TUT4: variants seen among roughly 807,000 people sequenced by gnomAD.
TUT4 encodes the protein terminal uridylyltransferase 4.
TUT4 carries 36 observed loss-of-function variants against 192.2 expected under a neutral mutation model. That is an observed-to-expected ratio of 0.19 (90% CI 0.14 to 0.25). The LOEUF (loss-of-function observed/expected upper bound fraction) is 0.25. Ranked by LOEUF, TUT4 falls within the 10% of genes least tolerant of loss-of-function variation. The pLI is 1.00. For missense variants in TUT4, 1,493 were observed against 1,957.2 expected (o/e 0.76, Z 4.47); for synonymous variants, 618 against 666.0 (o/e 0.93, Z 1.11).
In TUT4 at chr1:52,475,046, A is replaced by C. The variant is rs1020205110; in HGVS notation, c.2513T>G (p.Leu838Trp). The change falls in exon 13 of 30, where the codon TTG becomes TGG. Residue 838 changes from leucine to tryptophan, a missense_variant. Transcript: ENST00000257177. ...TTTATCTGGGTCAGGCGACTTAGACAAATCAATGCAATTACATTGGCTGAG... is the reference window on the plus strand; with the variant it reads ...TTTATCTGGGTCAGGCGACTTAGACCAATCAATGCAATTACATTGGCTGAG... ...KELSQCNCID[L>W]SKSPDPDKST... 4 of 1,614,188 alleles carry C rather than the reference A, an allele frequency of 2.5e-6. No individual in the cohort carries two copies. Among genetic ancestry groups the C allele is most frequent in the Non-Finnish European group, 3.4e-6 (4 of 1,180,018 alleles).
intron 4 of TUT4, among the ~76,000 whole-genome samples, chr1:52,508,793 A>G (rs61782554): frequency 0.011 from 1,622 of 152,338 alleles, 28 homozygotes; most frequent in Middle Eastern, 0.075. Context: ...TAACTTTAAA[A>G]AGAAAAAATT....
At chr1:52,450,553 T>C (rs1378905258) in intron 20 of TUT4, among the ~76,000 whole-genome samples, 2 of 152,160 alleles carry the variant, frequency 1.3e-5, no homozygotes, top group African/African-American at 4.8e-5. Flanking sequence ...GCATAAATCA[T>C]AATAGTAAAA....
At chr1:52,490,706 A>T in intron 8 of TUT4, 26 bp downstream of exon 8, 1 of 1,578,308 alleles carries the variant, frequency 6.3e-7, no homozygotes, top group Admixed American at 1.9e-5. Flanking sequence ...TGTTTTTTTA[A>T]ATATTTTATC....
chr1:52,492,060 A>ATAT (rs1557835248), intron 7 of TUT4, among the ~76,000 whole-genome samples: 1 of 152,188 alleles, frequency 6.6e-6, no homozygotes, highest in Non-Finnish European at 1.5e-5. Flanking sequence ...GCATATATTA[A>ATAT]ATATTTGTGC....
At chr1:52,538,079 T>C (rs1023796909) in intron 1 of TUT4, among the ~76,000 whole-genome samples, 103 of 151,928 alleles carry the variant, frequency 6.8e-4, no homozygotes, top group Admixed American at 2.8e-3. Flanking sequence ...CTACTAAAAA[T>C]ACAAAAATTA....
At position 52,461,949 on chromosome 1, in the gene TUT4, G is replaced by C. The variant is rs1310088215; in HGVS notation, c.3070-180C>G. ...ATCAGCATAATCTGGAAACTTGATA[G>C]AAATGCAGAATCTGAGGACCCTCCC... is the stretch of plus-strand genomic sequence containing the variant. On this transcript the variant is annotated intron_variant, in intron 16 of 29. Coordinates refer to ENST00000257177, the MANE Select transcript of TUT4 (RefSeq NM_001009881.3). 4 of 434,744 alleles carry C rather than the reference G, an allele frequency of 9.2e-6. No homozygotes were observed. The Admixed American group carries it at 1.6e-4, about 18-fold the overall frequency. The allele number at this position is 434,744 out of a possible 1,614,324, so 26.9% of individuals were successfully genotyped here.
At chr1:52,548,237 T>C (rs1688574014) in intron 1 of TUT4, among the ~76,000 whole-genome samples, 1 of 152,176 alleles carries the variant, frequency 6.6e-6, no homozygotes, top group South Asian at 2.1e-4. Context: ...TAGCACTTAA[T>C]GAACACTTAA....
chr1:52,425,547 T>C lies in TUT4; in HGVS notation c.4712-40A>G, dbSNP rs772752875. On this transcript the variant is annotated intron_variant, in intron 28 of 29. Transcript: ENST00000257177. ...GAGGGAAAAAGACATTTAAAAACATTAGTTCATTCATTGAAATATCCCTTC... is the reference window on the plus strand; with the variant it reads ...GAGGGAAAAAGACATTTAAAAACATCAGTTCATTCATTGAAATATCCCTTC... The C allele has an allele frequency of 7.0e-6, 11 of 1,562,484 alleles. No individual in the cohort carries two copies. The East Asian group carries it at 9.2e-5, about 13-fold the overall frequency.
Position 52,475,172 on chromosome 1 carries a change from T to C in TUT4, c.2387A>G (p.Asp796Gly), listed in dbSNP as rs776675735. ...TTTGCTGGTAGAAAGAGATGAAGAG[T>C]CCTGTCCGTGGTCAGCAAAATCTAG... ...NELDFADHGQ[D>G]SSSLSTSKSS... Residue 796 changes from aspartate to glycine, a missense_variant, in exon 13 of 30, where the codon GAC becomes GGC. By Grantham distance (94) the Asp-to-Gly change is moderately conservative. Coordinates refer to ENST00000257177, the MANE Select transcript of TUT4 (RefSeq NM_001009881.3). 110 of 1,614,016 alleles carry C rather than the reference T, an allele frequency of 6.8e-5. No homozygotes were observed. The highest frequency in any genetic ancestry group is 8.1e-5 in the Non-Finnish European group (96 of 1,180,034).
intron 1 of TUT4, chr1:52,534,943 C>T (rs1684499815): frequency 6.6e-6 from 1 of 152,190 alleles, no homozygotes; most frequent in African/African-American, 2.4e-5. Context: ...GGGACTAGCA[C>T]TGAGAAAATT....
At chr1:52,541,471 G>T (rs886411518) in intron 1 of TUT4, among the ~76,000 whole-genome samples, 3 of 151,886 alleles carry the variant, frequency 2.0e-5, no homozygotes, top group Non-Finnish European at 2.9e-5. Context: ...GGCAGAGGTT[G>T]CAGTGAGCCA....
At chr1:52,532,320 T>C (rs1354908451) in intron 1 of TUT4, among the ~76,000 whole-genome samples, 3 of 151,390 alleles carry the variant, frequency 2.0e-5, no homozygotes, top group Admixed American at 6.6e-5. Context: ...TAATACTTCT[T>C]GTTTTGTTTT....
In TUT4 at chr1:52,440,433, GTT is replaced by G. The variant is rs908687717; in HGVS notation, c.3823-2100_3823-2099del. On this transcript the variant is annotated intron_variant, in intron 24 of 29. Transcript: ENST00000257177. ...GCATGAGCCACCATGCCCATCCTGT[GTT>G]TTTTTTTTTTTTTTTTTTTTAAAGA... is the stretch of plus-strand genomic sequence containing the variant. Among the ~76,000 whole-genome samples, 194 of 110,148 alleles carry G rather than the reference GTT, an allele frequency of 1.8e-3. 1 individual carries two copies. Among genetic ancestry groups the G allele is most frequent in the African/African-American group, 5.3e-3 (168 of 31,452 alleles). 72.3% of individuals were successfully genotyped at this position (110,148 alleles called of 152,430 possible).
chr1:52,478,573 G>A (rs1052341839), intron 11 of TUT4, among the ~76,000 whole-genome samples: 3 of 152,148 alleles, frequency 2.0e-5, no homozygotes, highest in Non-Finnish European at 4.4e-5. Flanking sequence ...TGGCCACTGG[G>A]TCCATGCGGT....
chr1:52,480,581 C>A (rs1354666467), intron 11 of TUT4, among the ~76,000 whole-genome samples: 1 of 152,106 alleles, frequency 6.6e-6, no homozygotes, highest in Admixed American at 6.5e-5. Flanking sequence ...GAAGTGATGT[C>A]AGATTTTTCT....
chr1:52,552,165 T>C (rs1311587913), intron 1 of TUT4, among the ~76,000 whole-genome samples: 2 of 152,242 alleles, frequency 1.3e-5, no homozygotes, highest in Admixed American at 6.5e-5. Context: ...CAGTAATTCA[T>C]CCCATTCAAG....
chr1:52,482,033 G>T, intron 9 of TUT4, 110 bp from the exon 10 acceptor site: 2 of 880,344 alleles, frequency 2.3e-6, no homozygotes, highest in South Asian at 4.5e-5. Flanking sequence ...AAATGACAAT[G>T]AAAAATATAA....
chr1:52,510,114 C>T (rs781171165), intron 3 of TUT4, among the ~76,000 whole-genome samples: 7 of 151,910 alleles, frequency 4.6e-5, no homozygotes, highest in Non-Finnish European at 8.8e-5. Context: ...GAGTTGAAGA[C>T]AAGACTGGAC....
Position 52,526,153 on chromosome 1 carries a change from T to C in TUT4, c.128A>G (p.Lys43Arg). The C allele has an allele frequency of 6.2e-7, 1 of 1,612,862 alleles. No homozygotes were observed. ...ATTTGGAGAGCTGTTCTCAATTTCT[T>C]TTACGGATTTATCATTTCTAGCTTT... ...TLKARNDKSV[K>R]EIENSSPNRN... The change falls in exon 2 of 30, where the codon AAA becomes AGA. Residue 43 changes from lysine to arginine, a missense_variant. Lys to Arg is a conservative substitution (Grantham distance 26). Transcript: ENST00000257177.
Sources: gnomAD v4.1 joint callset for allele counts (sites outside exome capture counted in the v4.1 genomes callset) on GRCh38, gnomAD v4.1.1 for gene constraint, MANE v1.5 for transcripts, NCBI Gene and HGNC (gene_info 2026-07-23, HGNC 2026-07-21) for gene names.